Variants in RNLS observed in about 807,000 individuals in gnomAD.
The protein encoded by RNLS is renalase.
A neutral mutation model predicts 39.8 loss-of-function variants in RNLS; 39 were observed. The observed-to-expected ratio is 0.98, with a 90% CI of 0.76 to 1.28. RNLS has a LOEUF of 1.28. Ranked by LOEUF, RNLS falls within the 50% of genes most tolerant of loss-of-function variation. The pLI is 0.00. For missense variants in RNLS, 410 were observed against 413.3 expected (o/e 0.99, Z 0.07); for synonymous variants, 147 against 150.7 (o/e 0.98, Z 0.18).
chr10:88,330,088 TATAA>T (rs56123427), intron 5 of RNLS, among the ~76,000 whole-genome samples: 32,253 of 141,516 alleles, frequency 0.23, 3,724 homozygotes, highest in Non-Finnish European at 0.26. Context: ...TATATATATA[TATAA>T]ATATAAATAT....
intron 4 of RNLS, among the ~76,000 whole-genome samples, chr10:88,452,862 T>C (rs1842435052): frequency 1.3e-5 from 2 of 152,202 alleles, no homozygotes; most frequent in Admixed American, 1.3e-4. Flanking sequence ...TGTCTCTTGG[T>C]ACTCTCTTGC....
chr10:88,350,299 G>C (rs1410913338), intron 5 of RNLS, among the ~76,000 whole-genome samples: 3 of 151,500 alleles, frequency 2.0e-5, no homozygotes, highest in African/African-American at 7.3e-5. Flanking sequence ...TGTTACATAT[G>C]TATACATGTG....
intron 4 of RNLS, among the ~76,000 whole-genome samples, chr10:88,440,969 G>A (rs1374244885): frequency 3.9e-5 from 6 of 152,158 alleles, no homozygotes; most frequent in Non-Finnish European, 8.8e-5. Flanking sequence ...ATCTAAGGGT[G>A]ACAATTCTTC....
intron 6 of RNLS, chr10:88,309,583 AG>A (rs1437653440): frequency 1.1e-5 from 7 of 645,478 alleles, no homozygotes; most frequent in Admixed American, 2.4e-5. Flanking sequence ...CAGCTGGAAA[AG>A]GCCTGAAGGA....
intron 4 of RNLS, among the ~76,000 whole-genome samples, chr10:88,554,991 A>G (rs931268737): frequency 1.3e-5 from 2 of 152,200 alleles, no homozygotes; most frequent in African/African-American, 4.8e-5. Context: ...TAGGAGTGAT[A>G]TCACTCCAGA....
the RNLS span, among the ~76,000 whole-genome samples, chr10:88,254,079 AG>A: frequency 6.6e-6 from 1 of 152,250 alleles, no homozygotes; most frequent in Admixed American, 6.5e-5. Context: ...TTTTTCATAA[AG>A]AAGAACATTT....
chr10:88,335,608 T>G (rs559744484), intron 5 of RNLS, among the ~76,000 whole-genome samples: 1 of 152,330 alleles, frequency 6.6e-6, no homozygotes, highest in South Asian at 2.1e-4. Flanking sequence ...GGCTAAGAGC[T>G]GCCTCATTAG....
intron 4 of RNLS, among the ~76,000 whole-genome samples, chr10:88,517,614 C>T (rs1204587962): frequency 6.6e-6 from 1 of 151,756 alleles, no homozygotes; most frequent in Non-Finnish European, 1.5e-5. Context: ...GCCATTTATT[C>T]ATCTAATATT....
At chr10:88,462,733 A>G (rs1233139615) in intron 4 of RNLS, among the ~76,000 whole-genome samples, 2 of 152,030 alleles carry the variant, frequency 1.3e-5, no homozygotes, top group Non-Finnish European at 2.9e-5. Context: ...GCTGCCTTCT[A>G]AATAACCTTT....
chr10:88,301,506 C>G (rs1294929956), intron 6 of RNLS, among the ~76,000 whole-genome samples: 1 of 152,168 alleles, frequency 6.6e-6, no homozygotes, highest in Non-Finnish European at 1.5e-5. Flanking sequence ...GATACATAGG[C>G]AAGATACTCT....
chr10:88,511,761 G>T (rs1846135622), intron 4 of RNLS, among the ~76,000 whole-genome samples: 1 of 152,150 alleles, frequency 6.6e-6, no homozygotes, highest in South Asian at 2.1e-4. Flanking sequence ...CTCCAGGCAG[G>T]TCAAGTACAA....
the RNLS span, among the ~76,000 whole-genome samples, chr10:88,223,436 A>T: frequency 6.6e-6 from 1 of 152,222 alleles, no homozygotes; most frequent in Non-Finnish European, 1.5e-5. Context: ...GAAAAAGAGG[A>T]CAGGAACAGC....
Position 88,518,880 on chromosome 10 carries a change from C to A in RNLS, c.526+54023G>T, listed in dbSNP as rs555201074. Among the ~76,000 whole-genome samples the A allele has an allele frequency of 2.6e-5, 4 of 152,114 alleles. No individual in the cohort carries two copies. The South Asian group carries it at 8.3e-4, about 32-fold the overall frequency. ...GATAAGAAAGAGATTAAGTGACCCT[C>A]CTCATTAGTAAAGTCCAGGACTACA... On this transcript the variant is annotated intron_variant, in intron 4 of 6. Coordinates refer to ENST00000331772, the MANE Select transcript of RNLS (RefSeq NM_001031709.3).
the RNLS span, among the ~76,000 whole-genome samples, chr10:88,264,747 G>A: frequency 6.6e-6 from 1 of 152,246 alleles, no homozygotes; most frequent in African/African-American, 2.4e-5. Context: ...GCCTTGGTTG[G>A]ATGTACAGAT....
At chr10:88,516,807 T>G (rs1846429877) in intron 4 of RNLS, among the ~76,000 whole-genome samples, 1 of 152,034 alleles carries the variant, frequency 6.6e-6, no homozygotes, top group Admixed American at 6.6e-5. Flanking sequence ...GTTTCATCTC[T>G]GTTGACAGCT....
chr10:88,558,074 A>T (rs971783737), intron 4 of RNLS, among the ~76,000 whole-genome samples: 2 of 152,166 alleles, frequency 1.3e-5, no homozygotes, highest in African/African-American at 2.4e-5. Flanking sequence ...AACATCACAC[A>T]TCTACTGACA....
At chr10:88,338,866 G>T (rs1055817262) in intron 5 of RNLS, among the ~76,000 whole-genome samples, 1 of 148,314 alleles carries the variant, frequency 6.7e-6, no homozygotes, top group Admixed American at 7.0e-5. Context: ...GGCTCACGCC[G>T]TTCTCCCGCC....
intron 4 of RNLS, among the ~76,000 whole-genome samples, chr10:88,404,194 C>A (rs1275941532): frequency 2.6e-5 from 4 of 152,058 alleles, no homozygotes; most frequent in Admixed American, 6.6e-5. Flanking sequence ...GCAATCCTAG[C>A]TTGTTAACTT....
chr10:88,532,473 C>A (rs1847488219), intron 4 of RNLS, among the ~76,000 whole-genome samples: 1 of 151,898 alleles, frequency 6.6e-6, no homozygotes, highest in Non-Finnish European at 1.5e-5. Context: ...TAATGAAAAG[C>A]AAAGATTGGT....
Sources: allele counts gnomAD v4.1 joint callset (sites outside exome capture counted in the v4.1 genomes callset), GRCh38; gene constraint gnomAD v4.1.1; transcripts MANE v1.5; gene names NCBI Gene and HGNC (gene_info 2026-07-23, HGNC 2026-07-21).